Variants in EPM2A observed in about 807,000 individuals in gnomAD.
The protein encoded by EPM2A is EPM2A glucan phosphatase, laforin.
Under a neutral mutation model 26.5 loss-of-function variants are expected in EPM2A, and 21 were observed. The observed-to-expected ratio is 0.79, with a 90% CI of 0.56 to 1.14. The LOEUF (loss-of-function observed/expected upper bound fraction) is 1.14. Ranked by LOEUF, EPM2A falls within the 50% of genes most tolerant of loss-of-function variation. EPM2A has a pLI of 0.00. For synonymous variants in EPM2A, 217 were observed against 177.6 expected, an observed-to-expected ratio of 1.22 and a Z score of -1.76; for missense variants, 458 against 440.8, an observed-to-expected ratio of 1.04 and a Z score of -0.35.
At chr6:145,476,935 A>G (rs1477721540) in intron 4 of EPM2A, among the ~76,000 whole-genome samples, 1 of 151,958 alleles carries the variant, frequency 6.6e-6, no homozygotes, top group Non-Finnish European at 1.5e-5. Flanking sequence ...GAAGAAAAGA[A>G]ATAGCATAGA....
At chr6:145,391,828 C>T (rs1778340498) in intron 4 of EPM2A, among the ~76,000 whole-genome samples, 1 of 152,088 alleles carries the variant, frequency 6.6e-6, no homozygotes, top group Admixed American at 6.5e-5. Flanking sequence ...CACTTTTAGG[C>T]TGAAGATCTT....
intron 4 of EPM2A, among the ~76,000 whole-genome samples, chr6:145,388,233 C>T (rs936188739): frequency 6.6e-5 from 10 of 152,154 alleles, no homozygotes; most frequent in Non-Finnish European, 1.0e-4. Context: ...CTCCACTTCA[C>T]TACTAGTAAA....
intron 4 of EPM2A, among the ~76,000 whole-genome samples, chr6:145,390,166 G>C (rs1310251005): frequency 6.6e-6 from 1 of 152,166 alleles, no homozygotes; most frequent in Non-Finnish European, 1.5e-5. Flanking sequence ...AAGAACTGCA[G>C]TTGCAGTTCG....
At chr6:145,534,510 T>A (rs1780404676) in intron 2 of EPM2A, among the ~76,000 whole-genome samples, 1 of 152,156 alleles carries the variant, frequency 6.6e-6, no homozygotes, top group South Asian at 2.1e-4. Flanking sequence ...TCAAAGTAAA[T>A]CAGGAACACA....
At chr6:145,416,139 A>G (rs879427327) in intron 4 of EPM2A, among the ~76,000 whole-genome samples, 1 of 152,090 alleles carries the variant, frequency 6.6e-6, no homozygotes, top group Non-Finnish European at 1.5e-5. Flanking sequence ...AGAAATATAA[A>G]ACTCCCAGCT....
Position 145,686,169 on chromosome 6 carries a change from T to C in EPM2A, c.429A>G (p.Thr143=), listed in dbSNP as rs1780894426. The part of the protein sequence containing the change: ...TGHTNEMKHT[T]DFYFNIAGHQ... ...GGCCTGCAATATTAAAATAGAAGTC[T>C]GTTGTGTGCTTCATTTCATTGGTGT... The change falls in exon 2 of 4, where the codon ACA becomes ACG. Residue 143 remains threonine (T), a synonymous_variant. Coordinates refer to ENST00000367519, the MANE Select transcript of EPM2A (RefSeq NM_005670.4). 5.0e-6 allele frequency: 8 copies of C among 1,614,048 alleles called. No homozygotes were observed. The highest frequency in any genetic ancestry group is 6.8e-6 in the Non-Finnish European group (8 of 1,179,946).
At chr6:145,416,590 G>C (rs773232290) in intron 4 of EPM2A, among the ~76,000 whole-genome samples, 16 of 152,144 alleles carry the variant, frequency 1.1e-4, no homozygotes, top group African/African-American at 1.9e-4. Flanking sequence ...TAGGGAGATG[G>C]AGCACAGAGA....
At chr6:145,632,803 G>A (rs1017025551) in intron 3 of EPM2A, among the ~76,000 whole-genome samples, 7 of 152,180 alleles carry the variant, frequency 4.6e-5, no homozygotes, top group Admixed American at 4.6e-4. Flanking sequence ...ACAGACATTG[G>A]TCTATTGGTA....
chr6:145,501,857 G>T, intron 3 of EPM2A: 1 of 471,092 alleles, frequency 2.1e-6, no homozygotes, highest in South Asian at 1.5e-5. Flanking sequence ...TCTAAAAGAA[G>T]ACAGGGATAG....
chr6:145,457,854 G>A (rs1039145165), intron 4 of EPM2A, among the ~76,000 whole-genome samples: 9 of 152,204 alleles, frequency 5.9e-5, no homozygotes, highest in Admixed American at 5.9e-4. Context: ...AGATACAGTT[G>A]TCTGAATGTA....
intron 2 of EPM2A, among the ~76,000 whole-genome samples, chr6:145,532,058 CTT>C (rs1005751047): frequency 5.9e-5 from 9 of 152,132 alleles, no homozygotes; most frequent in Non-Finnish European, 1.0e-4. Context: ...ACAGGTCACT[CTT>C]TGACTGGAAA....
chr6:145,426,144 C>T (rs1778851733), intron 4 of EPM2A, among the ~76,000 whole-genome samples: 1 of 152,164 alleles, frequency 6.6e-6, no homozygotes, highest in Admixed American at 6.5e-5. Context: ...AAGCAGCAAT[C>T]TTCACTCTCA....
chr6:145,449,289 A>T (rs2114707322), intron 4 of EPM2A, among the ~76,000 whole-genome samples: 1 of 152,322 alleles, frequency 6.6e-6, no homozygotes, highest in Non-Finnish European at 1.5e-5. Flanking sequence ...CCAAAGAAAA[A>T]ATAATTAGCA....
chr6:145,479,470 TTA>T lies in EPM2A; in HGVS notation c.555+23050_555+23051del, dbSNP rs1321958547. Among the ~76,000 whole-genome samples, 6 of 151,826 alleles carry T rather than the reference TTA, an allele frequency of 4.0e-5. No homozygotes were observed. The Admixed American group carries it at 4.0e-4, about 10-fold the overall frequency. On this transcript the variant is annotated intron_variant, in intron 4 of 4. Coordinates refer to the EPM2A transcript ENST00000638717. ...GTATTCCCATAACCTCTTATCTACT[TTA>T]TGTCTGTACAAATTTGCCTATTCTA...
intron 2 of EPM2A, among the ~76,000 whole-genome samples, chr6:145,527,010 T>G (rs1404865197): frequency 6.6e-6 from 1 of 152,042 alleles, no homozygotes; most frequent in Non-Finnish European, 1.5e-5. Flanking sequence ...CTTCAAATGA[T>G]TTTTTGATTT....
intron 2 of EPM2A, among the ~76,000 whole-genome samples, chr6:145,518,804 C>A (rs1204190860): frequency 1.3e-5 from 2 of 152,088 alleles, no homozygotes; most frequent in Admixed American, 6.6e-5. Flanking sequence ...AAAGCCAGAA[C>A]CCCAGAGTAA....
intron 1 of EPM2A, among the ~76,000 whole-genome samples, chr6:145,714,178 G>C (rs1422768791): frequency 6.6e-6 from 1 of 152,198 alleles, no homozygotes; most frequent in Non-Finnish European, 1.5e-5. Context: ...TGTGAATGTA[G>C]AGTTGTCTCT....
chr6:145,406,764 G>A (rs949270394), intron 4 of EPM2A, among the ~76,000 whole-genome samples: 1 of 152,118 alleles, frequency 6.6e-6, no homozygotes, highest in African/African-American at 2.4e-5. Context: ...CGAAAGCAAT[G>A]GTTCTCAAAG....
chr6:145,614,126 C>G (rs900417028), intron 2 of EPM2A, among the ~76,000 whole-genome samples: 2 of 152,248 alleles, frequency 1.3e-5, no homozygotes, highest in Non-Finnish European at 2.9e-5. Context: ...GCTGCTATAT[C>G]AGCACTTGCT....
Sources: gnomAD v4.1 joint callset for allele counts (sites outside exome capture counted in the v4.1 genomes callset) on GRCh38, gnomAD v4.1.1 for gene constraint, MANE v1.5 for transcripts, NCBI Gene and HGNC (gene_info 2026-07-23, HGNC 2026-07-21) for gene names.